Variants in TRIM37 observed in about 807,000 individuals in gnomAD.
TRIM37 encodes the protein E3 ubiquitin-protein ligase TRIM37.
Under a neutral mutation model 129.8 loss-of-function variants are expected in TRIM37, and 80 were observed. The ratio of observed to expected loss-of-function variants is 0.62; its 90% CI spans 0.51 to 0.74. The LOEUF (loss-of-function observed/expected upper bound fraction) is 0.74. Ranked by LOEUF, TRIM37 falls within the 30% of genes least tolerant of loss-of-function variation. The pLI, the probability that TRIM37 is intolerant of heterozygous loss-of-function variation, is 0.00. For synonymous variants in TRIM37, 389 were observed against 387.1 expected (o/e 1.00, Z -0.06); for missense variants, 1,054 against 1,176.5 (o/e 0.90, Z 1.52).
chr17:59,093,562 T>C (rs761600567), intron 2 of TRIM37, among the ~76,000 whole-genome samples: 5 of 152,146 alleles, frequency 3.3e-5, no homozygotes, highest in African/African-American at 4.8e-5. Context: ...AACCTACACT[T>C]CCCCCTTCAG....
At position 59,070,790 on chromosome 17, in the gene TRIM37, C is replaced by T; in HGVS notation, c.809+33G>A. 3 of 1,606,714 alleles carry T rather than the reference C, an allele frequency of 1.9e-6. No individual in the cohort carries two copies. In the Admixed American group the frequency reaches 5.0e-5, roughly 27 times the overall value. The stretch of plus-strand genomic sequence containing the variant: ...AGTATATGCATTTCCACATAAATTT[C>T]AAATGAAAATGAAATTAAAAACTGT... On this transcript the variant is annotated intron_variant, in intron 9 of 23. Coordinates refer to ENST00000262294, the MANE Select transcript of TRIM37 (RefSeq NM_015294.6).
chr17:58,968,764 T>C, the TRIM37 span, among the ~76,000 whole-genome samples: 1 of 152,260 alleles, frequency 6.6e-6, no homozygotes, highest in African/African-American at 2.4e-5. Flanking sequence ...TAATGGTTGA[T>C]GTGGAATCTT....
At chr17:59,065,296 C>G (rs8079298) in intron 9 of TRIM37, among the ~76,000 whole-genome samples, 4 of 152,114 alleles carry the variant, frequency 2.6e-5, no homozygotes, top group Non-Finnish European at 5.9e-5. Context: ...ACTTCCTACT[C>G]TGGAATGGAT....
chr17:59,016,116 A>AG (rs1443870164), intron 20 of TRIM37, among the ~76,000 whole-genome samples: 3 of 152,252 alleles, frequency 2.0e-5, no homozygotes, highest in African/African-American at 7.2e-5. Flanking sequence ...AAAATAGGCC[A>AG]GGTGTGGTGG....
At chr17:59,009,358 C>T (rs967631671) in intron 22 of TRIM37, among the ~76,000 whole-genome samples, 2 of 150,022 alleles carry the variant, frequency 1.3e-5, no homozygotes, top group East Asian at 2.0e-4. Flanking sequence ...AAACTCCTGA[C>T]CTCAGGTGAT....
intron 24 of TRIM37, among the ~76,000 whole-genome samples, chr17:58,986,840 G>T (rs767156190): frequency 2.6e-5 from 4 of 152,152 alleles, no homozygotes; most frequent in Admixed American, 1.3e-4. Flanking sequence ...AATTAGTAAA[G>T]AACACTTTTT....
intron 3 of TRIM37, chr17:59,089,990 G>A (rs2147256084): frequency 6.6e-6 from 1 of 152,178 alleles, no homozygotes; most frequent in East Asian, 1.9e-4. Context: ...GTCCCAGTTA[G>A]GAAGGAGGTT....
chr17:59,070,962 A>G lies in TRIM37; in HGVS notation c.685-15T>C, dbSNP rs1481570850. On this transcript the variant is annotated splice_polypyrimidine_tract_variant and intron_variant, in intron 8 of 23. Coordinates refer to ENST00000262294, the MANE Select transcript of TRIM37 (RefSeq NM_015294.6). ...CAAGACCGCAACTGTGTGAGGAAAA[A>G]AATTATCTGAACAAACAAAATTACT... 10 of 1,612,814 alleles carry G rather than the reference A, an allele frequency of 6.2e-6. No individual in the cohort carries two copies. The South Asian group carries it at 8.8e-5, about 14-fold the overall frequency.
chr17:59,062,923 G>GT (rs768256153), intron 10 of TRIM37, among the ~76,000 whole-genome samples: 1 of 152,132 alleles, frequency 6.6e-6, no homozygotes, highest in Non-Finnish European at 1.5e-5. Context: ...GAAAAGGAAT[G>GT]TATCACCAAG....
intron 6 of TRIM37, among the ~76,000 whole-genome samples, chr17:59,080,566 G>C (rs1471633296): frequency 6.6e-6 from 1 of 152,212 alleles, no homozygotes; most frequent in Non-Finnish European, 1.5e-5. Flanking sequence ...GCCAAGGCAG[G>C]TGGATCACGA....
chr17:59,097,903 T>C (rs1402075428), intron 2 of TRIM37, among the ~76,000 whole-genome samples: 1 of 152,222 alleles, frequency 6.6e-6, no homozygotes, highest in African/African-American at 2.4e-5. Context: ...ATCAATGTAA[T>C]CCCTACTAAA....
At chr17:59,012,656 T>A (rs2035439263) in intron 21 of TRIM37, among the ~76,000 whole-genome samples, 2 of 152,098 alleles carry the variant, frequency 1.3e-5, no homozygotes, top group South Asian at 4.1e-4. Context: ...GGTGGGTGGA[T>A]CACCTGAGGT....
chr17:59,089,048 G>C (rs1050824867), intron 3 of TRIM37, among the ~76,000 whole-genome samples: 19 of 151,586 alleles, frequency 1.3e-4, no homozygotes, highest in Non-Finnish European at 2.7e-4. Context: ...GATTGCTTGA[G>C]CCCAGGTGTT....
At chr17:58,967,381 C>T in the TRIM37 span, among the ~76,000 whole-genome samples, 1 of 151,836 alleles carries the variant, frequency 6.6e-6, no homozygotes, top group Non-Finnish European at 1.5e-5. Context: ...TATTTTAAGC[C>T]ATTTAAAACA....
intron 2 of TRIM37, among the ~76,000 whole-genome samples, chr17:59,099,279 AC>A (rs2045228467): frequency 6.6e-6 from 1 of 152,168 alleles, no homozygotes; most frequent in Non-Finnish European, 1.5e-5. Context: ...CGCATATACT[AC>A]AGTAGTCTCG....
intron 22 of TRIM37, among the ~76,000 whole-genome samples, chr17:59,002,781 C>T (rs1281008421): frequency 6.6e-6 from 1 of 152,116 alleles, no homozygotes; most frequent in Non-Finnish European, 1.5e-5. Context: ...CCCTGGAGAG[C>T]TTCCTGTGAG....
intron 3 of TRIM37, among the ~76,000 whole-genome samples, chr17:59,088,871 T>G (rs76196397): frequency 0.012 from 1,830 of 152,200 alleles, 17 homozygotes; most frequent in Middle Eastern, 0.042. Flanking sequence ...TATCTGTGAC[T>G]TATTTTCACC....
Position 59,028,717 on chromosome 17 carries a change from T to C in TRIM37, c.1955A>G (p.Tyr652Cys), listed in dbSNP as rs1450806764. The change falls in exon 19 of 24, where the codon TAT (tyrosine) becomes TGT (cysteine). Residue 652 changes from tyrosine (Y) to cysteine (C), a missense_variant. Tyr to Cys is a radical substitution (Grantham distance 194). Coordinates refer to ENST00000262294, the MANE Select transcript of TRIM37 (RefSeq NM_015294.6). Reference sequence around the variant, plus strand: ...CCTTTGGTCTTTATCTTTTCGAGAATATGATGCTTCAGAGAAATTGACAAG... The same window carrying C: ...CCTTTGGTCTTTATCTTTTCGAGAACATGATGCTTCAGAGAAATTGACAAG... ...PASLLQPTAS[Y>C]SRKDKDQRKQ... is the part of the protein sequence containing the mutation. 3 of 1,614,068 alleles carry C rather than the reference T, an allele frequency of 1.9e-6. No homozygotes were observed. The highest frequency in any genetic ancestry group is 2.7e-5 in the African/African-American group (2 of 74,940).
chr17:59,050,938 C>T (rs1014193156), intron 14 of TRIM37, among the ~76,000 whole-genome samples: 9 of 152,020 alleles, frequency 5.9e-5, no homozygotes, highest in African/African-American at 1.9e-4. Context: ...CGAGATTGCA[C>T]CACTGCACTC....
Sources: allele counts gnomAD v4.1 joint callset (sites outside exome capture counted in the v4.1 genomes callset), GRCh38; gene constraint gnomAD v4.1.1; transcripts MANE v1.5; gene names NCBI Gene and HGNC (gene_info 2026-07-23, HGNC 2026-07-21).